The following CDH18 variants were observed in gnomAD, a reference collection of about 807,000 sequenced individuals.
The protein encoded by CDH18 is cadherin 18.
Under a neutral mutation model 67.9 loss-of-function variants are expected in CDH18, and 31 were observed. The ratio of observed to expected loss-of-function variants is 0.46; its 90% CI spans 0.34 to 0.62. The LOEUF (loss-of-function observed/expected upper bound fraction) is 0.62. CDH18 is among the 20% of genes least tolerant of loss of function. The pLI is 0.01. For missense variants in CDH18, 890 were observed against 975.5 expected (o/e 0.91, Z 1.17); for synonymous variants, 362 against 347.2 (o/e 1.04, Z -0.48).
rs36099222 is a variant in CDH18, at chr5:19,522,894, C to CAAA, written c.1391-2119_1391-2117dup. Among the ~76,000 whole-genome samples the CAAA allele has an allele frequency of 6.5e-3, 547 of 83,782 alleles. 19 individuals are homozygous for CAAA. The highest frequency in any genetic ancestry group is 0.047 in the Admixed American group (324 of 6,860). The allele number at this position is 83,782 out of a possible 152,430, so 55.0% of individuals were successfully genotyped here. On this transcript the variant is annotated intron_variant, in intron 9 of 12. Coordinates refer to ENST00000382275, the MANE Select transcript of CDH18 (RefSeq NM_004934.5). ...TGAGTGACAGAGTGAGACTCCTTCT[C>CAAA]AAAAAAAAAAAAAAAAAAAAAAGGA...
chr5:19,584,808 A>AAG (rs1554052875), intron 7 of CDH18, among the ~76,000 whole-genome samples: 1 of 147,578 alleles, frequency 6.8e-6, no homozygotes, highest in Non-Finnish European at 1.5e-5. Flanking sequence ...AAAAAAAAAA[A>AAG]AAAAGAAAAA....
At chr5:20,191,172 A>C (rs1738506772) in intron 2 of CDH18, among the ~76,000 whole-genome samples, 1 of 152,134 alleles carries the variant, frequency 6.6e-6, no homozygotes, top group Non-Finnish European at 1.5e-5. Flanking sequence ...GAACAAAATG[A>C]GAAAAAGTTT....
At chr5:19,950,056 A>G (rs1446140895) in intron 2 of CDH18, among the ~76,000 whole-genome samples, 2 of 151,310 alleles carry the variant, frequency 1.3e-5, no homozygotes, top group Non-Finnish European at 2.9e-5. Flanking sequence ...TATGAGATAT[A>G]TACATATATA....
At chr5:20,321,497 T>C (rs1237162141) in intron 1 of CDH18, among the ~76,000 whole-genome samples, 1 of 152,060 alleles carries the variant, frequency 6.6e-6, no homozygotes, top group Non-Finnish European at 1.5e-5. Context: ...AGAAATAGCC[T>C]CCTTCATGGA....
intron 1 of CDH18, among the ~76,000 whole-genome samples, chr5:20,257,802 G>T (rs1180708929): frequency 6.6e-6 from 1 of 152,004 alleles, no homozygotes; most frequent in Admixed American, 6.6e-5. Flanking sequence ...ACACTATCTT[G>T]TCTCCTTTAT....
At chr5:19,715,734 T>C (rs1188321865) in intron 5 of CDH18, among the ~76,000 whole-genome samples, 1 of 152,048 alleles carries the variant, frequency 6.6e-6, no homozygotes, top group African/African-American at 2.4e-5. Flanking sequence ...AAAATAATCA[T>C]TTTTTACTAC....
intron 3 of CDH18, among the ~76,000 whole-genome samples, chr5:19,812,702 C>T (rs563705896): frequency 4.8e-4 from 73 of 152,150 alleles, no homozygotes; most frequent in Non-Finnish European, 7.6e-4. Context: ...ACAGTAGAAA[C>T]GCTTTTACAC....
At chr5:20,487,096 C>G (rs1753244855) in intron 1 of CDH18, among the ~76,000 whole-genome samples, 1 of 152,152 alleles carries the variant, frequency 6.6e-6, no homozygotes. Context: ...GCTGCAAAGC[C>G]TGCAGTGTTT....
chr5:19,941,611 C>T (rs559860631), intron 2 of CDH18, among the ~76,000 whole-genome samples: 52 of 151,804 alleles, frequency 3.4e-4, no homozygotes, highest in Non-Finnish European at 6.8e-4. Context: ...GCGAGACCCC[C>T]ATCCCTACAA....
chr5:20,283,729 G>A (rs1253431494), intron 1 of CDH18, among the ~76,000 whole-genome samples: 2 of 152,008 alleles, frequency 1.3e-5, no homozygotes, highest in Non-Finnish European at 2.9e-5. Context: ...GCTACCATAT[G>A]ATCCAGCAAA....
chr5:19,801,631 T>C (rs1311001501), intron 3 of CDH18, among the ~76,000 whole-genome samples: 1 of 152,228 alleles, frequency 6.6e-6, no homozygotes, highest in African/African-American at 2.4e-5. Flanking sequence ...TATTCATATT[T>C]TTCCCAAGGG....
At chr5:19,569,882 A>G (rs1319116584) in intron 8 of CDH18, among the ~76,000 whole-genome samples, 1 of 152,156 alleles carries the variant, frequency 6.6e-6, no homozygotes, top group Admixed American at 6.5e-5. Flanking sequence ...ATCCCACCAA[A>G]TGTACAACTT....
intron 1 of CDH18, among the ~76,000 whole-genome samples, chr5:20,410,097 A>C (rs935537639): frequency 2.0e-5 from 3 of 151,858 alleles, no homozygotes; most frequent in Non-Finnish European, 4.4e-5. Context: ...AACTCTGCAA[A>C]AGAATTGAAC....
At chr5:19,627,865 CAGAA>C (rs1197676637) in intron 5 of CDH18, among the ~76,000 whole-genome samples, 1 of 152,062 alleles carries the variant, frequency 6.6e-6, no homozygotes, top group South Asian at 2.1e-4. Context: ...GTAAAAGTAA[CAGAA>C]AGAACCAGTG....
At chr5:20,304,273 A>C in intron 1 of CDH18, 1 of 1,603,322 alleles carries the variant, frequency 6.2e-7, no homozygotes, top group Non-Finnish European at 8.5e-7. Flanking sequence ...CCCGCACCAA[A>C]AGCTGTGTCT....
intron 4 of CDH18, among the ~76,000 whole-genome samples, chr5:19,727,572 T>C (rs1446344754): frequency 1.3e-5 from 2 of 152,164 alleles, no homozygotes. Flanking sequence ...TACATTTCTG[T>C]TGTGTCAGCC....
At chr5:20,033,620 G>A (rs1325456161) in intron 2 of CDH18, among the ~76,000 whole-genome samples, 2 of 151,936 alleles carry the variant, frequency 1.3e-5, no homozygotes, top group Non-Finnish European at 2.9e-5. Flanking sequence ...AAGAATAGTA[G>A]AACCAAATAA....
In CDH18 at chr5:19,693,895, GAA is replaced by G. The variant is rs11357542; in HGVS notation, c.643+27450_643+27451del. ...TGGGCGACAAAGTGAGACTCTGTCT[GAA>G]AAAAAAAAAAAAAAAAGATTATGAC... On this transcript the variant is annotated intron_variant, in intron 5 of 12. Coordinates refer to ENST00000382275, the MANE Select transcript of CDH18 (RefSeq NM_004934.5). Among the ~76,000 whole-genome samples, 789 of 118,902 alleles carry G rather than the reference GAA, an allele frequency of 6.6e-3. 3 individuals are homozygous for G. The highest frequency in any genetic ancestry group is 0.015 in the African/African-American group (488 of 32,276). The allele number at this position is 118,902 out of a possible 152,430, so 78.0% of individuals were successfully genotyped here. A position where few individuals can be genotyped will look rare whatever the true frequency, so the allele number is the denominator to read the frequency against.
At chr5:20,563,494 G>A (rs1371791916) in intron 1 of CDH18, among the ~76,000 whole-genome samples, 1 of 151,698 alleles carries the variant, frequency 6.6e-6, no homozygotes, top group Non-Finnish European at 1.5e-5. Flanking sequence ...AAGTTCACTC[G>A]TTTTTTGTGT....
Sources: gnomAD v4.1 joint callset for allele counts (sites outside exome capture counted in the v4.1 genomes callset) on GRCh38, gnomAD v4.1.1 for gene constraint, MANE v1.5 for transcripts, NCBI Gene and HGNC (gene_info 2026-07-23, HGNC 2026-07-21) for gene names.